The following MCTP1 variants were observed in gnomAD, a reference collection of about 807,000 sequenced individuals.
MCTP1 encodes multiple C2 and transmembrane domain-containing protein 1.
Under a neutral mutation model 120.6 loss-of-function variants are expected in MCTP1, and 69 were observed. The ratio of observed to expected loss-of-function variants is 0.57; its 90% CI spans 0.47 to 0.70. MCTP1 has a LOEUF of 0.70. MCTP1 is among the 30% of genes least tolerant of loss of function. The pLI, the probability that MCTP1 is intolerant of heterozygous loss-of-function variation, is 0.00. For synonymous variants in MCTP1, 529 were observed against 493.1 expected (o/e 1.07, Z -0.96); for missense variants, 1,203 against 1,248.8 (o/e 0.96, Z 0.55).
intron 1 of MCTP1, among the ~76,000 whole-genome samples, chr5:95,135,782 T>A (rs1290322996): frequency 6.6e-6 from 1 of 152,226 alleles, no homozygotes; most frequent in Non-Finnish European, 1.5e-5. Flanking sequence ...CCCCTTTATA[T>A]ATATGTGTCT....
intron 19 of MCTP1, among the ~76,000 whole-genome samples, chr5:94,736,174 T>C (rs1020111796): frequency 6.6e-6 from 1 of 152,244 alleles, no homozygotes; most frequent in Non-Finnish European, 1.5e-5. Context: ...AATATTGCTA[T>C]GGTAGCACAG....
intron 1 of MCTP1, among the ~76,000 whole-genome samples, chr5:95,245,313 G>A (rs1350049530): frequency 1.3e-5 from 2 of 152,202 alleles, no homozygotes; most frequent in Non-Finnish European, 2.9e-5. Context: ...AACAAAGCTG[G>A]ATGGAGAATG....
At position 94,953,850 on chromosome 5, in the gene MCTP1, T is replaced by TATATATATACATATATATATACAA. The variant is rs1561916470; in HGVS notation, c.839-490_839-489insTTGTATATATATATGTATATATAT. ...ATATACATATATATATATACACAAC[T>TATATATATACATATATATATACAA]ATATATATGCATATATATACAAATA... On this transcript the variant is annotated intron_variant, in intron 2 of 22. Coordinates refer to ENST00000515393, the MANE Select transcript of MCTP1 (RefSeq NM_024717.7). Among the ~76,000 whole-genome samples the TATATATATACATATATATATACAA allele has an allele frequency of 4.1e-3, 184 of 44,882 alleles. 21 individuals are homozygous for TATATATATACATATATATATACAA. The highest frequency in any genetic ancestry group is 6.1e-3 in the Non-Finnish European group (141 of 23,004). 29.4% of individuals were successfully genotyped at this position (44,882 alleles called of 152,430 possible). A position where few individuals can be genotyped will look rare whatever the true frequency, so the allele number is the denominator to read the frequency against.
chr5:95,046,414 A>G (rs573993482), intron 1 of MCTP1, among the ~76,000 whole-genome samples: 2 of 152,294 alleles, frequency 1.3e-5, no homozygotes, highest in Admixed American at 1.3e-4. Context: ...TCTTAGAAAT[A>G]AATGTTTCTA....
intron 2 of MCTP1, among the ~76,000 whole-genome samples, chr5:94,972,938 A>C (rs1181055459): frequency 3.3e-5 from 5 of 152,092 alleles, no homozygotes; most frequent in Non-Finnish European, 5.9e-5. Context: ...AAATGAACAA[A>C]AAAAAAACCA....
chr5:94,803,470 T>C (rs527539362), intron 17 of MCTP1, among the ~76,000 whole-genome samples: 4 of 152,292 alleles, frequency 2.6e-5, no homozygotes, highest in African/African-American at 9.6e-5. Context: ...TTTGGGACCT[T>C]GGGCAAGTTA....
chr5:94,752,657 A>C (rs1768783973), intron 19 of MCTP1, among the ~76,000 whole-genome samples: 1 of 152,202 alleles, frequency 6.6e-6, no homozygotes, highest in African/African-American at 2.4e-5. Context: ...AACTTACCTG[A>C]GTATGAAAAA....
intron 1 of MCTP1, among the ~76,000 whole-genome samples, chr5:95,279,540 T>C (rs1760141403): frequency 6.6e-6 from 1 of 152,192 alleles, no homozygotes; most frequent in Non-Finnish European, 1.5e-5. Flanking sequence ...TTATTTGTAA[T>C]AGCAGCAATT....
At chr5:94,943,612 C>T (rs1418137710) in intron 3 of MCTP1, among the ~76,000 whole-genome samples, 1 of 151,866 alleles carries the variant, frequency 6.6e-6, no homozygotes, top group East Asian at 1.9e-4. Flanking sequence ...CAGTGGTAAG[C>T]AAAAATGCCA....
At chr5:94,720,900 TACTC>T (rs777378018) in intron 19 of MCTP1, among the ~76,000 whole-genome samples, 1 of 152,184 alleles carries the variant, frequency 6.6e-6, no homozygotes, top group Non-Finnish European at 1.5e-5. Flanking sequence ...ATTCATCCAA[TACTC>T]ACAACCATCC....
chr5:95,205,330 A>T (rs576902631), intron 1 of MCTP1, among the ~76,000 whole-genome samples: 32 of 152,272 alleles, frequency 2.1e-4, no homozygotes, highest in Non-Finnish European at 4.7e-4. Flanking sequence ...ACCACATATT[A>T]TATAAAAAAT....
At chr5:94,966,681 GC>G (rs1554159720) in intron 2 of MCTP1, among the ~76,000 whole-genome samples, 1 of 152,106 alleles carries the variant, frequency 6.6e-6, no homozygotes, top group Non-Finnish European at 1.5e-5. Flanking sequence ...TGTAGTCCCA[GC>G]TACTCAGGAG....
At chr5:95,231,571 T>C (rs977881765) in intron 1 of MCTP1, among the ~76,000 whole-genome samples, 2 of 152,154 alleles carry the variant, frequency 1.3e-5, no homozygotes, top group African/African-American at 4.8e-5. Flanking sequence ...TTTACTGCCA[T>C]GAGTGATTCT....
At chr5:95,145,408 T>G (rs1297206196) in intron 1 of MCTP1, among the ~76,000 whole-genome samples, 1 of 152,188 alleles carries the variant, frequency 6.6e-6, no homozygotes, top group Non-Finnish European at 1.5e-5. Flanking sequence ...CTGATTGCAC[T>G]GGCCAGGACT....
chr5:94,750,164 G>A (rs1767956207), intron 19 of MCTP1, among the ~76,000 whole-genome samples: 1 of 151,990 alleles, frequency 6.6e-6, no homozygotes, highest in South Asian at 2.1e-4. Context: ...CCCACCTTAT[G>A]CTATTGTTTA....
intron 1 of MCTP1, among the ~76,000 whole-genome samples, chr5:95,261,481 A>G (rs570197980): frequency 6.6e-6 from 1 of 152,334 alleles, no homozygotes; most frequent in African/African-American, 2.4e-5. Flanking sequence ...TTTTTGTAGT[A>G]CTTGCAATCT....
At chr5:94,782,254 A>AT (rs1425699793) in intron 18 of MCTP1, among the ~76,000 whole-genome samples, 2 of 152,128 alleles carry the variant, frequency 1.3e-5, no homozygotes, top group African/African-American at 4.8e-5. Flanking sequence ...TAAATAATAT[A>AT]TTTTTTCCTG....
At chr5:94,726,758 A>C (rs552923147) in intron 19 of MCTP1, among the ~76,000 whole-genome samples, 1 of 152,118 alleles carries the variant, frequency 6.6e-6, no homozygotes, top group African/African-American at 2.4e-5. Context: ...TTACTAGTTA[A>C]AAAGAGTTCC....
chr5:94,986,803 G>A (rs150678523), intron 2 of MCTP1, among the ~76,000 whole-genome samples: 10 of 152,160 alleles, frequency 6.6e-5, no homozygotes, highest in African/African-American at 2.4e-4. Context: ...GAGCCACCGC[G>A]TCGGGCCTAG....
Sources: allele counts gnomAD v4.1 joint callset (sites outside exome capture counted in the v4.1 genomes callset), GRCh38; gene constraint gnomAD v4.1.1; transcripts MANE v1.5; gene names NCBI Gene and HGNC (gene_info 2026-07-23, HGNC 2026-07-21).